The following C12orf42 variants were observed in gnomAD, a reference collection of about 807,000 sequenced individuals.
The protein encoded by C12orf42 is chromosome 12 open reading frame 42.
C12orf42 carries 25 observed loss-of-function variants against 21.6 expected under a neutral mutation model. The observed-to-expected ratio is 1.16, with a 90% CI of 0.84 to 1.62. C12orf42 has a LOEUF of 1.62. C12orf42 is among the 40% of genes most tolerant of loss of function. C12orf42 has a pLI of 0.00. For synonymous variants in C12orf42, 174 were observed against 175.0 expected (o/e 0.99, Z 0.05); for missense variants, 483 against 459.3 (o/e 1.05, Z -0.47).
downstream of C12orf42, among the ~76,000 whole-genome samples, chr12:103,300,236 G>T (rs961863078): frequency 6.6e-6 from 1 of 152,204 alleles, no homozygotes; most frequent in South Asian, 2.1e-4. Flanking sequence ...ATTAAATAAG[G>T]TTGCTAGACA....
chr12:103,349,708 T>G (rs1477872465), intron 4 of C12orf42, among the ~76,000 whole-genome samples: 1 of 152,164 alleles, frequency 6.6e-6, no homozygotes, highest in Non-Finnish European at 1.5e-5. Context: ...CCAAAGACAA[T>G]GTCCTAACAT....
intron 4 of C12orf42, among the ~76,000 whole-genome samples, chr12:103,343,016 C>T (rs1369380778): frequency 1.3e-5 from 2 of 152,078 alleles, no homozygotes; most frequent in South Asian, 2.1e-4. Flanking sequence ...AGAAAATATG[C>T]GAGTAGTAGA....
At chr12:103,076,125 G>A in the C12orf42 span, among the ~76,000 whole-genome samples, 2 of 152,012 alleles carry the variant, frequency 1.3e-5, no homozygotes. Context: ...AATACCTAAT[G>A]CTATATAGAA....
At chr12:103,247,688 AC>A (rs777551345) in intron 10 of C12orf42, among the ~76,000 whole-genome samples, 22 of 151,730 alleles carry the variant, frequency 1.4e-4, no homozygotes, top group Non-Finnish European at 2.5e-4. Flanking sequence ...TATGGGACTC[AC>A]CCTAATTGCC....
chr12:103,216,524 C>A, the C12orf42 span, among the ~76,000 whole-genome samples: 1 of 152,016 alleles, frequency 6.6e-6, no homozygotes, highest in Non-Finnish European at 1.5e-5. Context: ...TAGGCTCCTG[C>A]CACCACGCCT....
chr12:103,533,542 A>C, the C12orf42 span, among the ~76,000 whole-genome samples: 1 of 152,198 alleles, frequency 6.6e-6, no homozygotes, highest in African/African-American at 2.4e-5. Context: ...GGGGAACCAA[A>C]GCTCACACTG....
At chr12:103,304,435 G>A (rs1420700069) in intron 5 of C12orf42, among the ~76,000 whole-genome samples, 1 of 152,122 alleles carries the variant, frequency 6.6e-6, no homozygotes, top group Non-Finnish European at 1.5e-5. Context: ...AGGAAGTTGA[G>A]AAAGACCTAA....
the C12orf42 span, among the ~76,000 whole-genome samples, chr12:103,113,703 G>A: frequency 2.0e-5 from 3 of 152,200 alleles, no homozygotes; most frequent in Non-Finnish European, 4.4e-5. Context: ...CTGAATTTGA[G>A]AGAGTTTGGT....
the C12orf42 span, among the ~76,000 whole-genome samples, chr12:103,184,721 C>T: frequency 2.6e-5 from 3 of 115,812 alleles, no homozygotes; most frequent in African/African-American, 8.9e-5. Flanking sequence ...ACCCCCCCCC[C>T]CCCAAATATA....
chr12:103,296,907 T>C (rs1219776148), intron 4 of C12orf42, among the ~76,000 whole-genome samples: 1 of 152,232 alleles, frequency 6.6e-6, no homozygotes, highest in African/African-American at 2.4e-5. Context: ...CCATTGCTTT[T>C]GGTGTTTTAG....
intron 4 of C12orf42, among the ~76,000 whole-genome samples, chr12:103,322,108 TGCG>T (rs1566077421): frequency 2.9e-4 from 35 of 122,188 alleles, no homozygotes; most frequent in African/African-American, 1.0e-3. Context: ...TGCACGCGCG[TGCG>T]TGCGCGCGCG....
At chr12:103,094,728 C>T in the C12orf42 span, among the ~76,000 whole-genome samples, 4 of 152,140 alleles carry the variant, frequency 2.6e-5, no homozygotes, top group Non-Finnish European at 5.9e-5. Flanking sequence ...TTGCCTGCCA[C>T]ATAAAATTCA....
chr12:103,075,788 T>G, the C12orf42 span, among the ~76,000 whole-genome samples: 1 of 152,142 alleles, frequency 6.6e-6, no homozygotes, highest in African/African-American at 2.4e-5. Flanking sequence ...AGGGTAGTGT[T>G]TATGGGAGAG....
intron 4 of C12orf42, among the ~76,000 whole-genome samples, chr12:103,288,558 C>G (rs2036611106): frequency 6.6e-6 from 1 of 152,214 alleles, no homozygotes; most frequent in Non-Finnish European, 1.5e-5. Context: ...TATAATTTCA[C>G]CCTTTTTAAA....
chr12:103,149,108 A>G, the C12orf42 span, among the ~76,000 whole-genome samples: 4 of 152,168 alleles, frequency 2.6e-5, no homozygotes, highest in Non-Finnish European at 5.9e-5. Context: ...TCAGAAATCT[A>G]TTTTGGGGTC....
At chr12:103,193,448 C>T in the C12orf42 span, among the ~76,000 whole-genome samples, 1 of 151,298 alleles carries the variant, frequency 6.6e-6, no homozygotes, top group Non-Finnish European at 1.5e-5. Context: ...CTGAGTTCTT[C>T]CCTCAAAAAG....
At chr12:103,417,098 T>C (rs1364770036) in intron 2 of C12orf42, among the ~76,000 whole-genome samples, 1 of 152,200 alleles carries the variant, frequency 6.6e-6, no homozygotes, top group Admixed American at 6.5e-5. Context: ...TTCTCTTCAA[T>C]ATTTAGGAGA....
the C12orf42 span, among the ~76,000 whole-genome samples, chr12:103,545,621 CA>C: frequency 3.3e-5 from 5 of 152,148 alleles, no homozygotes; most frequent in East Asian, 9.6e-4. Flanking sequence ...TAAAATGTAA[CA>C]GAAAAAATGC....
At chr12:103,434,544 G>GT (rs1950516697) in intron 2 of C12orf42, among the ~76,000 whole-genome samples, 1 of 152,194 alleles carries the variant, frequency 6.6e-6, no homozygotes, top group South Asian at 2.1e-4. Flanking sequence ...GTGGGTGCGC[G>GT]TACCATGCAC....
Sources: gnomAD v4.1 joint callset for allele counts (sites outside exome capture counted in the v4.1 genomes callset) on GRCh38, gnomAD v4.1.1 for gene constraint, MANE v1.5 for transcripts, NCBI Gene and HGNC (gene_info 2026-07-23, HGNC 2026-07-21) for gene names.